The following TMEM44 variants were observed in gnomAD, a reference collection of about 807,000 sequenced individuals.
TMEM44 encodes the protein transmembrane protein 44.
In TMEM44, 43 loss-of-function variants were observed where a neutral mutation model predicts 47.8. The ratio of observed to expected loss-of-function variants is 0.90; its 90% CI spans 0.70 to 1.16. The LOEUF (loss-of-function observed/expected upper bound fraction) is 1.16. Among genes scored for constraint, TMEM44 ranks in the 50% most tolerant of loss-of-function variants. TMEM44 has a pLI of 0.00. For missense variants in TMEM44, 568 were observed against 555.2 expected (o/e 1.02, Z -0.23); for synonymous variants, 277 against 238.8 (o/e 1.16, Z -1.48).
chr3:194,596,408 GCCTGC>G (rs769852421), intron 9 of TMEM44, among the ~76,000 whole-genome samples: 128 of 152,200 alleles, frequency 8.4e-4, no homozygotes, highest in Non-Finnish European at 9.0e-4. Context: ...GCAGACAGCA[GCCTGC>G]CCTGCTATGC....
At chr3:194,602,737 G>A (rs1714293339) in intron 9 of TMEM44, among the ~76,000 whole-genome samples, 1 of 152,204 alleles carries the variant, frequency 6.6e-6, no homozygotes, top group Non-Finnish European at 1.5e-5. Flanking sequence ...CTCCCGGTGA[G>A]GGGAGGGGGT....
intron 9 of TMEM44, among the ~76,000 whole-genome samples, chr3:194,596,414 C>A (rs1200442657): frequency 1.3e-5 from 2 of 151,858 alleles, no homozygotes; most frequent in African/African-American, 4.8e-5. Flanking sequence ...AGCAGCCTGC[C>A]CTGCTATGCT....
Position 194,587,938 on chromosome 3 carries a change from CT to C in TMEM44, c.*590del, listed in dbSNP as rs1712053092. ...AAGTCCTGGTACCCGGAGCAGTTTG[CT>C]TTGTTTTTGCAGTGTCAGTGATCTC... On this transcript the variant is annotated 3_prime_UTR_variant, in exon 10 of 10. Transcript: ENST00000347147. 1 of 152,590 alleles carries C rather than the reference CT, an allele frequency of 6.6e-6. No individual in the cohort carries two copies. The highest frequency in any genetic ancestry group is 2.1e-4 in the South Asian group (1 of 4,850). The allele number at this position is 152,590 out of a possible 1,614,324, so 9.5% of individuals were successfully genotyped here. A position where few individuals can be genotyped will look rare whatever the true frequency, so the allele number is the denominator to read the frequency against.
chr3:194,596,857 T>C (rs1419874455), intron 9 of TMEM44: 2 of 152,306 alleles, frequency 1.3e-5, no homozygotes, highest in South Asian at 2.1e-4. Flanking sequence ...CATACTTTTT[T>C]CCCAGAACGA....
Position 194,588,352 on chromosome 3 carries a change from G to A in TMEM44, c.*177C>T, listed in dbSNP as rs1712115594. 1.7e-6 allele frequency: 1 copy of A among 598,948 alleles called. No homozygotes were observed. Among genetic ancestry groups the A allele is most frequent in the Admixed American group, 3.0e-5 (1 of 33,536 alleles). 37.1% of individuals were successfully genotyped at this position (598,948 alleles called of 1,614,324 possible). ...AGGTCTGTCCGCAGTACCCAAAGTC[G>A]TAGCTCCGTGATGAGCTATGATGTA... On this transcript the variant is annotated 3_prime_UTR_variant, in exon 10 of 10. Transcript: ENST00000347147.
chr3:194,596,570 T>A (rs2109154739), intron 9 of TMEM44, among the ~76,000 whole-genome samples: 1 of 152,254 alleles, frequency 6.6e-6, no homozygotes, highest in East Asian at 1.9e-4. Context: ...GGCGGGCAGA[T>A]CACCTGAGAT....
At position 194,611,459 on chromosome 3, in the gene TMEM44, C is replaced by T. The variant is rs139437871; in HGVS notation, c.913-439G>A. On this transcript the variant is annotated intron_variant, in intron 7 of 9. Transcript: ENST00000347147. The surrounding 1 kb of genome is among the most constrained non-coding windows in gnomAD (Gnocchi z 4.2). ...CAGCGATCTGGAGTGAAGCTGTGATCCAGGCACTGCATTCCAGCCTAGGGG... is the reference window on the plus strand; with the variant it reads ...CAGCGATCTGGAGTGAAGCTGTGATTCAGGCACTGCATTCCAGCCTAGGGG... 1.5e-4 allele frequency among the ~76,000 whole-genome samples: 23 copies of T among 152,166 alleles called. No individual in the cohort carries two copies. The East Asian group carries it at 3.7e-3, about 24-fold the overall frequency.
intron 5 of TMEM44, among the ~76,000 whole-genome samples, chr3:194,618,315 A>T (rs1716161768): frequency 6.6e-6 from 1 of 152,100 alleles, no homozygotes; most frequent in African/African-American, 2.4e-5. Flanking sequence ...TTATATTTCT[A>T]TGTAAGCAGC....
intron 2 of TMEM44, 66 bp downstream of exon 2, chr3:194,628,317 C>T: frequency 1.9e-6 from 3 of 1,551,944 alleles, no homozygotes; most frequent in Admixed American, 3.9e-5. Flanking sequence ...ACGGCTGCAG[C>T]AGAGAGAAAG....
intron 9 of TMEM44, among the ~76,000 whole-genome samples, chr3:194,601,204 C>G (rs1229312920): frequency 1.3e-5 from 2 of 149,412 alleles, no homozygotes; most frequent in Non-Finnish European, 3.0e-5. Flanking sequence ...AGTGAAGTGG[C>G]GTGATCTCGG....
intron 5 of TMEM44, 30 bp from the exon 6 acceptor site, chr3:194,617,299 G>GGGGGT: frequency 3.2e-6 from 2 of 619,742 alleles, no homozygotes; most frequent in Non-Finnish European, 5.4e-6. Flanking sequence ...GGCTGGGCGG[G>GGGGGT]AGAAGCAGCA....
At chr3:194,605,348 A>G (rs1164728545) in intron 8 of TMEM44, among the ~76,000 whole-genome samples, 1 of 152,236 alleles carries the variant, frequency 6.6e-6, no homozygotes, top group African/African-American at 2.4e-5. Context: ...CCAGACCAGC[A>G]TCTTCCACTA....
At chr3:194,607,629 G>A (rs367852362) in intron 8 of TMEM44, among the ~76,000 whole-genome samples, 43 of 152,232 alleles carry the variant, frequency 2.8e-4, no homozygotes, top group African/African-American at 9.9e-4. Flanking sequence ...CCAGCCCCCA[G>A]TTTCCTTATC....
At chr3:194,624,631 C>A (rs1716938115) in intron 3 of TMEM44, among the ~76,000 whole-genome samples, 1 of 152,148 alleles carries the variant, frequency 6.6e-6, no homozygotes, top group Non-Finnish European at 1.5e-5. Context: ...GTTGCCCAGG[C>A]TGGCCTCAAA....
chr3:194,606,063 G>A (rs1333789901), intron 8 of TMEM44, among the ~76,000 whole-genome samples: 1 of 152,324 alleles, frequency 6.6e-6, no homozygotes, highest in Non-Finnish European at 1.5e-5. Flanking sequence ...TGGGAGTGGG[G>A]AAGCAGATGC....
chr3:194,629,439 G>A (rs549888537), intron 1 of TMEM44, among the ~76,000 whole-genome samples: 5 of 152,240 alleles, frequency 3.3e-5, no homozygotes, highest in Non-Finnish European at 7.3e-5. Flanking sequence ...GAAGATGCAC[G>A]GAAGGGCAGG....
At chr3:194,631,752 C>T (rs754783965) in intron 1 of TMEM44, among the ~76,000 whole-genome samples, 18 of 152,110 alleles carry the variant, frequency 1.2e-4, no homozygotes, top group Non-Finnish European at 2.4e-4. Context: ...GGCCAGGGTG[C>T]CAGCTGACCT....
At chr3:194,628,288 CA>C in intron 2 of TMEM44, 94 bp downstream of exon 2, 1 of 1,483,602 alleles carries the variant, frequency 6.7e-7, no homozygotes, top group Non-Finnish European at 9.0e-7. Flanking sequence ...CATGTTGCAG[CA>C]ACAAGACAAA....
rs1714518681 is a variant in TMEM44, at chr3:194,604,321, G to T, written c.1142C>A (p.Ser381Tyr). ...GGAGTTGATGGAGGAGACCTCAGAG[G>T]AGCTGCCGGAAGACACCCGGGCCCG... ...VIRARVSSGS[S>Y]SEVSSINSDL... The change falls in exon 9 of 10, where the codon TCC becomes TAC. Residue 381 changes from serine (S) to tyrosine (Y), a missense_variant. Coordinates refer to ENST00000347147, the MANE Select transcript of TMEM44 (RefSeq NM_001011655.3). 1.9e-6 allele frequency: 3 copies of T among 1,580,202 alleles called. No homozygotes were observed. Among genetic ancestry groups the T allele is most frequent in the Non-Finnish European group, 8.6e-7 (1 of 1,163,780 alleles).
Sources: gnomAD v4.1 joint callset for allele counts (sites outside exome capture counted in the v4.1 genomes callset) on GRCh38, gnomAD v4.1.1 for gene constraint, Gnocchi (gnomAD v3.1) non-coding constraint, MANE v1.5 for transcripts, NCBI Gene and HGNC (gene_info 2026-07-23, HGNC 2026-07-21) for gene names.